CFAP100: variants seen among roughly 807,000 people sequenced by gnomAD.
The protein encoded by CFAP100 is cilia- and flagella-associated protein 100.
Under a neutral mutation model 81.5 loss-of-function variants are expected in CFAP100, and 70 were observed. The ratio of observed to expected loss-of-function variants is 0.86; its 90% CI spans 0.71 to 1.05. CFAP100 has a LOEUF of 1.05. Ranked by LOEUF, CFAP100 falls within the 50% of genes least tolerant of loss-of-function variation. The pLI is 0.00. For missense variants in CFAP100, 811 were observed against 776.5 expected (o/e 1.04, Z -0.53); for synonymous variants, 341 against 314.8 (o/e 1.08, Z -0.88).
At chr3:126,436,020 C>A (rs902812815) in intron 16 of CFAP100, among the ~76,000 whole-genome samples, 1 of 152,214 alleles carries the variant, frequency 6.6e-6, no homozygotes, top group Non-Finnish European at 1.5e-5. Flanking sequence ...AAGGCCCCCA[C>A]CCTTCCTGCC....
At chr3:126,430,767 T>G (rs73859270) in intron 13 of CFAP100, among the ~76,000 whole-genome samples, 3,258 of 131,960 alleles carry the variant, frequency 0.025, 103 homozygotes, top group African/African-American at 0.085. Flanking sequence ...AATTTCTGGG[T>G]TTTTTTTTAT....
At chr3:126,431,306 T>A (rs796746317) in intron 13 of CFAP100, among the ~76,000 whole-genome samples, 2 of 152,268 alleles carry the variant, frequency 1.3e-5, no homozygotes, top group African/African-American at 4.8e-5. Context: ...CCATGACAGT[T>A]ACACCAGGGC....
At chr3:126,435,483 C>A in intron 15 of CFAP100, 76 bp from the exon 16 acceptor site, 3 of 1,260,134 alleles carry the variant, frequency 2.4e-6, no homozygotes, top group Non-Finnish European at 3.4e-6. Context: ...CACGGCCTGG[C>A]CTGGGGACTC....
At position 126,430,306 on chromosome 3, in the gene CFAP100, TG is replaced by T. The variant is rs564184511; in HGVS notation, c.1287-2761del. 1.4e-4 allele frequency among the ~76,000 whole-genome samples: 21 copies of T among 152,334 alleles called. 1 individual carries two copies. In the East Asian group the frequency reaches 4.0e-3, roughly 29 times the overall value. The stretch of plus-strand genomic sequence containing the variant: ...TAAGATTTAGTGTTTGATACATTAG[TG>T]GCATGACTGTAGTCTAAAGTAATCT... On this transcript the variant is annotated intron_variant, in intron 13 of 16. Transcript: ENST00000352312.
At position 126,436,329 on chromosome 3, in the gene CFAP100, C is replaced by T; in HGVS notation, c.1761C>T (p.Ala587=). The T allele has an allele frequency of 6.2e-7, 1 of 1,614,072 alleles. No homozygotes were observed. Among genetic ancestry groups the T allele is most frequent in the Non-Finnish European group, 8.5e-7 (1 of 1,179,960 alleles). The change falls in exon 17 of 17, where the codon GCC becomes GCT. Residue 587 remains alanine, a synonymous_variant. Coordinates refer to ENST00000352312, the MANE Select transcript of CFAP100 (RefSeq NM_182628.3). The stretch of plus-strand genomic sequence containing the variant: ...TGGTATGCCGCTCACGACCCCCAGC[C>T]CACAGGATCAAACAACAGTCTGAGC... The part of the protein sequence containing the change: ...RTLVCRSRPP[A]HRIKQQSEHT...
chr3:126,433,486 G>C (rs563568449), intron 14 of CFAP100: 30 of 380,990 alleles, frequency 7.9e-5, no homozygotes, highest in African/African-American at 6.0e-4. Flanking sequence ...TGATCCTGAA[G>C]GGGGGGAAGA....
intron 15 of CFAP100, 71 bp from the exon 16 acceptor site, chr3:126,435,488 G>C: frequency 1.5e-6 from 2 of 1,305,578 alleles, no homozygotes. Flanking sequence ...CCTGGCCTGG[G>C]GACTCCGTGT....
intron 2 of CFAP100, among the ~76,000 whole-genome samples, chr3:126,399,274 G>C (rs530766208): frequency 1.4e-4 from 21 of 152,188 alleles, no homozygotes; most frequent in African/African-American, 5.1e-4. Context: ...CCAGAGCCTG[G>C]AACATCACAG....
At chr3:126,418,375 G>A (rs545446228) in intron 5 of CFAP100, 83 bp from the exon 6 acceptor site, 2 of 1,285,274 alleles carry the variant, frequency 1.6e-6, no homozygotes, top group Admixed American at 3.4e-5. Flanking sequence ...CCAGCAGCCG[G>A]TGGAAGGCTC....
In CFAP100 at chr3:126,401,395, TTTTATATATATATATA is replaced by T. The variant is rs1231011896; in HGVS notation, c.49+5348_49+5363del. On this transcript the variant is annotated intron_variant, in intron 2 of 16. Transcript: ENST00000352312. ...CAATGGCATAAAATGGCAAATCGTATTTTATATATATATATATATATATATATATATATATATATAT... is the reference window on the plus strand; with the variant it reads ...CAATGGCATAAAATGGCAAATCGTATTATATATATATATATATATATATAT... Among the ~76,000 whole-genome samples, 9 of 55,068 alleles carry T rather than the reference TTTTATATATATATATA, an allele frequency of 1.6e-4. 1 individual carries two copies. Among genetic ancestry groups the T allele is most frequent in the Middle Eastern group, 7.8e-3 (1 of 128 alleles). 36.1% of individuals were successfully genotyped at this position (55,068 alleles called of 152,430 possible).
At chr3:126,395,151 T>C (rs890046886) in intron 1 of CFAP100, among the ~76,000 whole-genome samples, 173 bp downstream of exon 1, 1 of 152,164 alleles carries the variant, frequency 6.6e-6, no homozygotes, top group African/African-American at 2.4e-5. Context: ...AACACACCCA[T>C]CTACCATCCA....
chr3:126,414,257 T>G (rs1397203321), intron 4 of CFAP100, 78 bp downstream of exon 4: 5 of 977,618 alleles, frequency 5.1e-6, no homozygotes, highest in African/African-American at 1.6e-5. Context: ...CACATTGCCC[T>G]TCTCAGAGGA....
At chr3:126,435,045 C>T (rs1345606950) in intron 15 of CFAP100, among the ~76,000 whole-genome samples, 1 of 152,168 alleles carries the variant, frequency 6.6e-6, no homozygotes, top group Non-Finnish European at 1.5e-5. Context: ...TCTGAGACAG[C>T]GCAATCTGCA....
At chr3:126,423,279 CTG>C in intron 11 of CFAP100, 44 bp from the exon 12 acceptor site, 1 of 1,548,920 alleles carries the variant, frequency 6.5e-7, no homozygotes, top group South Asian at 1.2e-5. Context: ...TGGCTCCTGT[CTG>C]CTCAGGCTGG....
At chr3:126,435,761 A>C (rs756449968) in intron 16 of CFAP100, 109 bp downstream of exon 16, 9 of 833,610 alleles carry the variant, frequency 1.1e-5, no homozygotes, top group Non-Finnish European at 1.3e-5. Flanking sequence ...AAGGCATTCA[A>C]TGAGGCTCTG....
At chr3:126,420,328 A>T in intron 11 of CFAP100, 99 bp downstream of exon 11, 1 of 1,493,112 alleles carries the variant, frequency 6.7e-7, no homozygotes, top group South Asian at 1.3e-5. Context: ...CAGAAAAGAA[A>T]GTGTGTTACT....
At chr3:126,399,167 A>G (rs116978675) in intron 2 of CFAP100, among the ~76,000 whole-genome samples, 1 of 151,596 alleles carries the variant, frequency 6.6e-6, no homozygotes, top group East Asian at 2.0e-4. Context: ...TCCCTGTTTC[A>G]TTTTCTCAGT....
intron 13 of CFAP100, among the ~76,000 whole-genome samples, chr3:126,426,552 C>A (rs1016259295): frequency 4.0e-5 from 6 of 151,632 alleles, no homozygotes; most frequent in African/African-American, 1.5e-4. Context: ...GAGATCAAGA[C>A]CATCTTGGCC....
intron 13 of CFAP100, among the ~76,000 whole-genome samples, chr3:126,427,698 G>A (rs969546919): frequency 4.6e-5 from 7 of 152,222 alleles, no homozygotes; most frequent in Admixed American, 4.6e-4. Context: ...ACTTCCTCTT[G>A]CTCCAAATCC....
Sources: allele counts gnomAD v4.1 joint callset (sites outside exome capture counted in the v4.1 genomes callset), GRCh38; gene constraint gnomAD v4.1.1; transcripts MANE v1.5; gene names NCBI Gene and HGNC (gene_info 2026-07-23, HGNC 2026-07-21).